Variants in TMEM131 observed in about 807,000 individuals in gnomAD.
TMEM131 encodes 2610524E03Rik.
Under a neutral mutation model 211.6 loss-of-function variants are expected in TMEM131, and 66 were observed. The observed-to-expected ratio is 0.31, with a 90% CI of 0.26 to 0.38. The LOEUF (loss-of-function observed/expected upper bound fraction) is 0.38. TMEM131 is among the 10% of genes least tolerant of loss of function. The pLI is 1.00. For synonymous variants in TMEM131, 844 were observed against 841.3 expected, an observed-to-expected ratio of 1.00 and a Z score of -0.06; for missense variants, 2,036 against 2,299.3, an observed-to-expected ratio of 0.89 and a Z score of 2.34.
chr2:97,757,939 T>G (rs1678588710), intron 40 of TMEM131, among the ~76,000 whole-genome samples: 1 of 152,174 alleles, frequency 6.6e-6, no homozygotes. Flanking sequence ...GAGATCATCC[T>G]GGCTAACATG....
At position 97,797,454 on chromosome 2, in the gene TMEM131, G is replaced by T. The variant is rs761643578; in HGVS notation, c.2781C>A (p.Asn927Lys). Residue 927 changes from asparagine to lysine, a missense_variant, in exon 26 of 41, where the codon AAC (asparagine) becomes AAA (lysine). Physicochemically the swap from Asn to Lys is moderately conservative, Grantham distance 94. This residue lies in a region of TMEM131 where 1,623 missense variants were observed against 1,805.9 expected (regional missense o/e 0.90). Coordinates refer to ENST00000186436, the MANE Select transcript of TMEM131 (RefSeq NM_015348.2). ...TCTTTTCTCCAGGTTTTAAAATTAG[G>T]TTTAAAATTAAATGTCGAGAGAGGC... is the stretch of plus-strand genomic sequence containing the variant. ...MEGLSRHLIL[N>K]LILKPGEKKS... 2.9e-5 allele frequency: 46 copies of T among 1,612,788 alleles called. No homozygotes were observed. Among genetic ancestry groups the T allele is most frequent in the Non-Finnish European group, 3.8e-5 (45 of 1,179,198 alleles).
At chr2:97,779,624 A>T (rs1212333222) in intron 31 of TMEM131, among the ~76,000 whole-genome samples, 1 of 152,230 alleles carries the variant, frequency 6.6e-6, no homozygotes, top group African/African-American at 2.4e-5. Context: ...TGCAAATTCT[A>T]TGGCCCCATT....
At chr2:97,776,198 C>T (rs1286993317) in intron 31 of TMEM131, among the ~76,000 whole-genome samples, 180 bp from the exon 32 acceptor site, 4 of 152,052 alleles carry the variant, frequency 2.6e-5, no homozygotes, top group Admixed American at 6.5e-5. Flanking sequence ...GGACTACAGG[C>T]GCCCGCCACC....
intron 1 of TMEM131, among the ~76,000 whole-genome samples, chr2:97,959,166 A>G (rs1678702989): frequency 6.6e-6 from 1 of 152,234 alleles, no homozygotes; most frequent in African/African-American, 2.4e-5. Flanking sequence ...ACAGGAGAAG[A>G]GAAAGGAGAA....
intron 4 of TMEM131, among the ~76,000 whole-genome samples, chr2:97,878,440 G>C (rs937084556): frequency 6.6e-6 from 1 of 152,132 alleles, no homozygotes; most frequent in Non-Finnish European, 1.5e-5. Flanking sequence ...GCAAAGACTT[G>C]GAAGCAACTC....
intron 2 of TMEM131, among the ~76,000 whole-genome samples, chr2:97,920,088 T>G (rs1184741064): frequency 6.6e-6 from 1 of 152,234 alleles, no homozygotes; most frequent in Non-Finnish European, 1.5e-5. Flanking sequence ...CTCTACCCAG[T>G]GCAGGATGCT....
chr2:97,982,243 T>C (rs2104646765), intron 1 of TMEM131, among the ~76,000 whole-genome samples: 1 of 152,340 alleles, frequency 6.6e-6, no homozygotes, highest in African/African-American at 2.4e-5. Context: ...TGGAATCTCA[T>C]TTTGGTTTTC....
intron 1 of TMEM131, among the ~76,000 whole-genome samples, chr2:97,946,553 C>T (rs1422484550): frequency 1.3e-5 from 2 of 151,866 alleles, no homozygotes; most frequent in East Asian, 1.9e-4. Context: ...AACTAGCTAA[C>T]TTGAATAGGC....
intron 2 of TMEM131, among the ~76,000 whole-genome samples, chr2:97,922,762 G>A (rs1421256277): frequency 6.6e-6 from 1 of 152,198 alleles, no homozygotes; most frequent in East Asian, 1.9e-4. Flanking sequence ...GTAACTAGGA[G>A]AGAGCTTGAG....
intron 11 of TMEM131, among the ~76,000 whole-genome samples, chr2:97,823,958 T>C (rs886916679): frequency 6.6e-6 from 1 of 152,006 alleles, no homozygotes; most frequent in Non-Finnish European, 1.5e-5. Flanking sequence ...AACCTCGGTG[T>C]TCTATAATAG....
intron 3 of TMEM131, among the ~76,000 whole-genome samples, chr2:97,896,543 C>T (rs886365435): frequency 1.3e-5 from 2 of 152,010 alleles, no homozygotes; most frequent in African/African-American, 4.8e-5. Flanking sequence ...TCTGGGTGCT[C>T]CTGTATTGGG....
chr2:97,934,135 A>C (rs1677343347), intron 1 of TMEM131, among the ~76,000 whole-genome samples: 1 of 152,180 alleles, frequency 6.6e-6, no homozygotes, highest in Admixed American at 6.5e-5. Flanking sequence ...CAAAAAGAAA[A>C]GTCCTTCTTA....
intron 2 of TMEM131, among the ~76,000 whole-genome samples, chr2:97,911,087 C>T (rs1478673021): frequency 1.3e-5 from 2 of 152,056 alleles, no homozygotes; most frequent in African/African-American, 2.4e-5. Context: ...GTGTTATATC[C>T]GTACAATGGA....
chr2:97,940,794 G>C (rs888162492), intron 1 of TMEM131, among the ~76,000 whole-genome samples: 3 of 147,822 alleles, frequency 2.0e-5, no homozygotes, highest in African/African-American at 7.5e-5. Flanking sequence ...GGGCGACAGA[G>C]CCAGACTCCA....
At chr2:97,919,089 T>A (rs1211419641) in intron 2 of TMEM131, among the ~76,000 whole-genome samples, 1 of 152,146 alleles carries the variant, frequency 6.6e-6, no homozygotes, top group Non-Finnish European at 1.5e-5. Context: ...AAAGAAACGT[T>A]CCAAAACTGA....
At chr2:97,901,404 T>G (rs1474987236) in intron 3 of TMEM131, among the ~76,000 whole-genome samples, 1 of 152,062 alleles carries the variant, frequency 6.6e-6, no homozygotes, top group Non-Finnish European at 1.5e-5. Flanking sequence ...TGGTGAGAGA[T>G]AAGAGTTGAC....
chr2:97,822,579 T>C (rs573274877), intron 11 of TMEM131, among the ~76,000 whole-genome samples: 1 of 152,308 alleles, frequency 6.6e-6, no homozygotes, highest in East Asian at 1.9e-4. Flanking sequence ...CTGATTTTTC[T>C]TGGTCCTCTT....
Position 97,766,259 on chromosome 2 carries a change from T to G in TMEM131, c.4578A>C (p.Thr1526=). The G allele has an allele frequency of 6.2e-7, 1 of 1,614,028 alleles. No individual in the cohort carries two copies. Among genetic ancestry groups the G allele is most frequent in the Non-Finnish European group, 8.5e-7 (1 of 1,179,884 alleles). ...KSRNAQKTKG[T]SKLVDNRPPA... The stretch of plus-strand genomic sequence containing the variant: ...GTGGTCTGTTATCCACTAACTTACT[T>G]GTACCTGCACAAAAATCAGAAAAGA... The change falls in exon 35 of 41, where the codon ACA becomes ACC. Residue 1526 remains threonine, a synonymous_variant. Transcript: ENST00000186436.
chr2:97,876,850 A>G (rs1352968298), intron 4 of TMEM131, among the ~76,000 whole-genome samples: 1 of 152,250 alleles, frequency 6.6e-6, no homozygotes, highest in Non-Finnish European at 1.5e-5. Flanking sequence ...AGTTCTGGCC[A>G]GGGCAATCAG....
Sources: gnomAD v4.1 joint callset for allele counts (sites outside exome capture counted in the v4.1 genomes callset) on GRCh38, gnomAD v4.1.1 for gene constraint, gnomAD v4.1.1 regional missense constraint, MANE v1.5 for transcripts, NCBI Gene and HGNC (gene_info 2026-07-23, HGNC 2026-07-21) for gene names.